The following TCFL5 variants were observed in gnomAD, a reference collection of about 807,000 sequenced individuals.
TCFL5 encodes transcription factor like 5, also known as transcription factor-like 5 protein.
TCFL5 carries 9 observed loss-of-function variants against 44.3 expected under a neutral mutation model. The ratio of observed to expected loss-of-function variants is 0.20; its 90% CI spans 0.12 to 0.35. The LOEUF (loss-of-function observed/expected upper bound fraction) is 0.35, where lower values mean the gene tolerates loss of function less well. Among genes scored for constraint, TCFL5 ranks in the 10% least tolerant of loss-of-function variants. The probability of loss-of-function intolerance (pLI) is 1.00; values close to 1 mark genes in which losing one functional copy is unlikely to be tolerated. For missense variants in TCFL5, 603 were observed against 613.4 expected (o/e 0.98, Z 0.18); for synonymous variants, 319 against 271.6 (o/e 1.17, Z -1.72).
intron 2 of TCFL5, among the ~76,000 whole-genome samples, 182 bp from the exon 3 acceptor site, chr20:62,859,708 TTTTTG>T (rs2063956996): frequency 1.4e-5 from 2 of 146,254 alleles, no homozygotes; most frequent in African/African-American, 5.4e-5. Context: ...CACAGGTATT[TTTTTG>T]TTTTTGTTTT....
At chr20:62,860,453 T>C (rs1337998783) in intron 1 of TCFL5, 145 bp from the exon 2 acceptor site, 8 of 714,458 alleles carry the variant, frequency 1.1e-5, no homozygotes, top group Admixed American at 2.9e-5. Flanking sequence ...TTAGCAACTA[T>C]CGCTGCTGTG....
intron 5 of TCFL5, 84 bp downstream of exon 5, chr20:62,853,932 G>T (rs2063850270): frequency 6.9e-7 from 1 of 1,446,410 alleles, no homozygotes; most frequent in Non-Finnish European, 9.6e-7. Flanking sequence ...ACAAAGGATA[G>T]TTTGAGTTAT....
Position 62,860,239 on chromosome 20 carries a change from T to C in TCFL5, c.717A>G (p.Thr239=). 6.2e-7 allele frequency: 1 copy of C among 1,613,866 alleles called. No individual in the cohort carries two copies. The highest frequency in any genetic ancestry group is 8.5e-7 in the Non-Finnish European group (1 of 1,179,750). ...CCGCAGTTTTATTTTTCACTAATGC[T>C]GTACATTTGTTTTGTTGCTGAAGAG... The part of the protein sequence containing the change: ...NVPLQQQNKC[T]ALVKNKTAAT... Residue 239 remains threonine (T), a synonymous_variant, in exon 2 of 6, where the codon ACA becomes ACG. Transcript: ENST00000335351.
At chr20:62,859,954 C>A (rs937405615) in intron 2 of TCFL5, among the ~76,000 whole-genome samples, 171 bp downstream of exon 2, 3 of 152,128 alleles carry the variant, frequency 2.0e-5, no homozygotes, top group Admixed American at 6.5e-5. Context: ...AATGACCCAC[C>A]CACCTCGGCC....
At chr20:62,847,780 C>T (rs73613594) in intron 5 of TCFL5, among the ~76,000 whole-genome samples, 4 of 152,170 alleles carry the variant, frequency 2.6e-5, no homozygotes, top group Non-Finnish European at 5.9e-5. Context: ...GAGGCCGAGG[C>T]GGGCGGATCA....
intron 4 of TCFL5, among the ~76,000 whole-genome samples, chr20:62,854,921 G>C (rs759631722): frequency 2.0e-5 from 3 of 152,166 alleles, no homozygotes; most frequent in African/African-American, 7.2e-5. Flanking sequence ...GACATTGAGC[G>C]AAACACTCTT....
rs1397994917 is a variant in TCFL5, at chr20:62,859,626, C to T, written c.832-100G>A. 4 of 1,116,640 alleles carry T rather than the reference C, an allele frequency of 3.6e-6. No homozygotes were observed. In the Admixed American group the frequency reaches 1.2e-4, roughly 32 times the overall value. The allele number at this position is 1,116,640 out of a possible 1,614,324, so 69.2% of individuals were successfully genotyped here. A position where few individuals can be genotyped will look rare whatever the true frequency, so the allele number is the denominator to read the frequency against. ...ACTTAACAAACATCAAAACTACTAA[C>T]ACGTAATTTGAAGAACTTTAGTTGC... On this transcript the variant is annotated intron_variant, in intron 2 of 5. Transcript: ENST00000335351.
intron 5 of TCFL5, chr20:62,852,367 C>A: frequency 1.0e-6 from 1 of 983,328 alleles, no homozygotes; most frequent in Non-Finnish European, 1.2e-6. Context: ...GAACTCGGGT[C>A]CCCTGAAGGC....
rs1253652614 is a variant in TCFL5, at chr20:62,842,322, T to G, written c.1381-225A>C. On this transcript the variant is annotated intron_variant, in intron 5 of 5. Transcript: ENST00000335351. This position sits in a 1 kb window ranked among gnomAD's most constrained non-coding sequence, Gnocchi z 4.3. ...AGCAGTTACACTGTACATGTACTTT[T>G]GTTTTTCCAATACTCAGAATGTCTG... is the stretch of plus-strand genomic sequence containing the variant. Among the ~76,000 whole-genome samples, 1 of 152,226 alleles carries G rather than the reference T, an allele frequency of 6.6e-6. No homozygotes were observed. The highest frequency in any genetic ancestry group is 1.5e-5 in the Non-Finnish European group (1 of 68,036).
At chr20:62,844,441 G>A (rs2063714005) in intron 5 of TCFL5, among the ~76,000 whole-genome samples, 1 of 151,512 alleles carries the variant, frequency 6.6e-6, no homozygotes, top group Non-Finnish European at 1.5e-5. Context: ...TTTGGACAGG[G>A]TCTTGCTCTC....
intron 2 of TCFL5, 60 bp downstream of exon 2, chr20:62,860,065 T>C (rs2063968179): frequency 2.0e-6 from 3 of 1,521,322 alleles, no homozygotes; most frequent in Non-Finnish European, 2.7e-6. Context: ...CTAACCAAAA[T>C]AAGTTAAAAT....
At chr20:62,844,211 T>C (rs6010760) in intron 5 of TCFL5, among the ~76,000 whole-genome samples, 60,637 of 152,088 alleles carry the variant, frequency 0.4, 14,217 homozygotes, top group African/African-American at 0.67. Flanking sequence ...TTCTGATGTC[T>C]CCACATCCTT....
In TCFL5 at chr20:62,861,377, ACCGCCCGCCGCGAAG is replaced by A. The variant is rs756956039; in HGVS notation, c.279_293del (p.Phe94_Gly98del). ...GGTACACGGGCGCCGCGCCCCCCTG[ACCGCCCGCCGCGAAG>A]CCGCCCGCGCCTGCGCCCGGGCCCG... On this transcript the variant is annotated inframe_deletion, in exon 1 of 6. Coordinates refer to ENST00000335351, the MANE Select transcript of TCFL5 (RefSeq NM_006602.4). The surrounding 1 kb of genome is among the most constrained non-coding windows in gnomAD (Gnocchi z 4.0). 55 of 1,071,518 alleles carry A rather than the reference ACCGCCCGCCGCGAAG, an allele frequency of 5.1e-5. 1 individual carries two copies. The African/African-American group carries it at 9.0e-4, about 17-fold the overall frequency. The allele number at this position is 1,071,518 out of a possible 1,614,324, so 66.4% of individuals were successfully genotyped here. A position where few individuals can be genotyped will look rare whatever the true frequency, so the allele number is the denominator to read the frequency against.
At chr20:62,851,840 C>T (rs981281406) in intron 5 of TCFL5, 54 of 984,580 alleles carry the variant, frequency 5.5e-5, no homozygotes, top group Middle Eastern at 5.2e-4. Flanking sequence ...GATGGAGTCT[C>T]GCTCTGTCAC....
At chr20:62,852,075 G>A (rs1476644180) in intron 5 of TCFL5, 2 of 985,192 alleles carry the variant, frequency 2.0e-6, no homozygotes, top group South Asian at 4.7e-5. Context: ...CAAGTGCTGG[G>A]ATCACAGGCA....
At chr20:62,846,103 G>C (rs1417266707) in intron 5 of TCFL5, 1 of 1,311,938 alleles carries the variant, frequency 7.6e-7, no homozygotes, top group South Asian at 1.2e-5. Context: ...CGTATCTGGA[G>C]TTTGTGCTTA....
chr20:62,856,549 CA>C (rs1199029699), intron 4 of TCFL5, among the ~76,000 whole-genome samples: 2 of 151,222 alleles, frequency 1.3e-5, no homozygotes, highest in Non-Finnish European at 2.9e-5. Flanking sequence ...CTAAAAAATA[CA>C]AAAAAATTAG....
intron 5 of TCFL5, among the ~76,000 whole-genome samples, chr20:62,850,087 A>C (rs1354563521): frequency 1.3e-5 from 2 of 152,174 alleles, no homozygotes; most frequent in Non-Finnish European, 2.9e-5. Context: ...TATCTTGGGG[A>C]GGCATGATCA....
At chr20:62,860,527 C>G (rs1277920066) in intron 1 of TCFL5, among the ~76,000 whole-genome samples, 1 of 152,238 alleles carries the variant, frequency 6.6e-6, no homozygotes, top group East Asian at 1.9e-4. Context: ...TCATCACATC[C>G]TGACACCAAT....
Sources: gnomAD v4.1 joint callset for allele counts (sites outside exome capture counted in the v4.1 genomes callset) on GRCh38, gnomAD v4.1.1 for gene constraint, Gnocchi (gnomAD v3.1) non-coding constraint, MANE v1.5 for transcripts, NCBI Gene and HGNC (gene_info 2026-07-23, HGNC 2026-07-21) for gene names.